The following ADGRG7 variants were observed in gnomAD, a reference collection of about 807,000 sequenced individuals.
The protein encoded by ADGRG7 is G-protein coupled receptor 128.
A neutral mutation model predicts 88.6 loss-of-function variants in ADGRG7; 82 were observed. The observed-to-expected ratio is 0.93, with a 90% confidence interval of 0.77 to 1.11. ADGRG7 has a LOEUF of 1.11. Ranked by LOEUF, ADGRG7 falls within the 50% of genes most tolerant of loss-of-function variation. The pLI is 0.00. For missense variants in ADGRG7, 945 were observed against 953.4 expected (o/e 0.99, Z 0.12); for synonymous variants, 381 against 345.2 (o/e 1.10, Z -1.15).
intron 10 of ADGRG7, among the ~76,000 whole-genome samples, chr3:100,648,740 T>C (rs2149027140): frequency 6.6e-6 from 1 of 152,310 alleles, no homozygotes; most frequent in Admixed American, 6.5e-5. Context: ...TATGCCTCTA[T>C]ATTCCTTTCA....
At chr3:100,686,588 A>G (rs1328102590) in intron 15 of ADGRG7, among the ~76,000 whole-genome samples, 2 of 152,194 alleles carry the variant, frequency 1.3e-5, no homozygotes, top group Non-Finnish European at 2.9e-5. Context: ...TCAGCTTTCT[A>G]CATATGGCTA....
In ADGRG7 at chr3:100,609,644, A is replaced by G; in HGVS notation, c.-213A>G. On this transcript the variant is annotated 5_prime_UTR_variant, in exon 1 of 16. Transcript: ENST00000273352. ...TTGAGTGAAGGATGAGGAAATTGAA[A>G]GCAGAGTATGCACCTTTTATTAGGA... 2.3e-6 allele frequency: 1 copy of G among 427,854 alleles called. No individual in the cohort carries two copies. Among genetic ancestry groups the G allele is most frequent in the South Asian group, 2.4e-5 (1 of 41,012 alleles). The allele number at this position is 427,854 out of a possible 1,614,324, so 26.5% of individuals were successfully genotyped here.
At chr3:100,610,078 A>C in intron 1 of ADGRG7, 107 bp downstream of exon 1, 1 of 841,562 alleles carries the variant, frequency 1.2e-6, no homozygotes, top group Non-Finnish European at 2.0e-6. Context: ...AGTCTGAGGC[A>C]TTCCACCAAG....
chr3:100,614,750 C>G (rs1033466700), intron 1 of ADGRG7, among the ~76,000 whole-genome samples: 1 of 152,068 alleles, frequency 6.6e-6, no homozygotes, highest in Admixed American at 6.5e-5. Flanking sequence ...AAAGCAGACT[C>G]TAATTTTGTC....
chr3:100,639,907 G>A (rs561096385), intron 6 of ADGRG7, among the ~76,000 whole-genome samples: 2 of 152,270 alleles, frequency 1.3e-5, no homozygotes, highest in African/African-American at 4.8e-5. Context: ...TAAGGTATAA[G>A]ATACAGTGAA....
In ADGRG7 at chr3:100,647,370, T is replaced by C. The variant is rs138996470; in HGVS notation, c.1266+646T>C. 3.5e-3 allele frequency among the ~76,000 whole-genome samples: 527 copies of C among 152,318 alleles called. 5 individuals carry two copies. The highest frequency in any genetic ancestry group is 5.1e-3 in the Non-Finnish European group (350 of 68,026). ...TGTTATAGCCAGAGGTAAAGCTGTA[T>C]AGCTGTGTGCCAGAGACAGGTTCAA... On this transcript the variant is annotated intron_variant, in intron 10 of 15. Coordinates refer to ENST00000273352, the MANE Select transcript of ADGRG7 (RefSeq NM_032787.3).
intron 1 of ADGRG7, among the ~76,000 whole-genome samples, chr3:100,622,960 G>A (rs115100376): frequency 0.015 from 2,254 of 150,690 alleles, 49 homozygotes; most frequent in African/African-American, 0.051. Flanking sequence ...AGGGTTTTGA[G>A]ACCAGGTTGG....
At chr3:100,690,440 C>T (rs192369805) in intron 15 of ADGRG7, among the ~76,000 whole-genome samples, 25 of 152,280 alleles carry the variant, frequency 1.6e-4, no homozygotes, top group East Asian at 5.8e-4. Flanking sequence ...GGAGGAGAGG[C>T]GCTCTGATCT....
At chr3:100,666,605 G>T (rs1175741516) in intron 14 of ADGRG7, among the ~76,000 whole-genome samples, 1 of 151,846 alleles carries the variant, frequency 6.6e-6, no homozygotes, top group Non-Finnish European at 1.5e-5. Context: ...CCAGGGACGG[G>T]CAGGAGACAG....
At chr3:100,673,502 T>C (rs1165346) in intron 15 of ADGRG7, among the ~76,000 whole-genome samples, 129,861 of 149,044 alleles carry the variant, frequency 0.87, 58,781 homozygotes, top group Non-Finnish European at 1. Flanking sequence ...CGGTCTGTCA[T>C]GCAGGCTGGA....
At chr3:100,638,290 G>T (rs1325543135) in intron 6 of ADGRG7, among the ~76,000 whole-genome samples, 1 of 152,170 alleles carries the variant, frequency 6.6e-6, no homozygotes, top group Non-Finnish European at 1.5e-5. Flanking sequence ...TTTATTAAGT[G>T]ATGAGGGAAG....
rs572007489 is a variant in ADGRG7, at chr3:100,653,481, A to G, written c.1380-1354A>G. Among the ~76,000 whole-genome samples the G allele has an allele frequency of 6.6e-5, 10 of 152,346 alleles. No homozygotes were observed. The South Asian group carries it at 1.4e-3, about 22-fold the overall frequency. On this transcript the variant is annotated intron_variant, in intron 11 of 15. Transcript: ENST00000273352. The stretch of plus-strand genomic sequence containing the variant: ...CTACTAATGTGCAGAGTTTTCTATT[A>G]TAAAAATTTTAAAACTCCATATAGG...
At chr3:100,646,876 A>C in intron 10 of ADGRG7, 152 bp downstream of exon 10, 1 of 760,296 alleles carries the variant, frequency 1.3e-6, no homozygotes, top group Non-Finnish European at 2.0e-6. Flanking sequence ...AATGGGACTT[A>C]AGGCCGGGCG....
Position 100,646,722 on chromosome 3 carries a change from A to T in ADGRG7, c.1264A>T (p.Met422Leu), listed in dbSNP as rs1251565914. The T allele has an allele frequency of 6.2e-7, 1 of 1,613,836 alleles. No individual in the cohort carries two copies. Among genetic ancestry groups the T allele is most frequent in the East Asian group, 2.2e-5 (1 of 44,876 alleles). ...CNHTTNFAVLMTFKKDYQYPK... is the reference protein window; with the variant it reads ...CNHTTNFAVLLTFKKDYQYPK... ...CCATACTACTAATTTTGCTGTATTA[A>T]TGGTAAGGATATACATAGCAATCTC... Residue 422 changes from methionine (M) to leucine (L), a missense_variant and splice_region_variant, in exon 10 of 16, where the codon ATG (methionine) becomes TTG (leucine). Coordinates refer to ENST00000273352, the MANE Select transcript of ADGRG7 (RefSeq NM_032787.3).
intron 15 of ADGRG7, among the ~76,000 whole-genome samples, chr3:100,680,018 G>A (rs1413903557): frequency 6.6e-6 from 1 of 152,118 alleles, no homozygotes; most frequent in Non-Finnish European, 1.5e-5. Context: ...ATTGTTAAAG[G>A]TACACCTATC....
At chr3:100,611,303 T>TTTCTTCCTTCCTTCCTTC (rs1559666905) in intron 1 of ADGRG7, among the ~76,000 whole-genome samples, 1 of 124,354 alleles carries the variant, frequency 8.0e-6, no homozygotes, top group African/African-American at 3.6e-5. Flanking sequence ...TTCCTTCCTT[T>TTTCTTCCTTCCTTCCTTC]CTTCTTTCCT....
intron 9 of ADGRG7, 167 bp downstream of exon 9, chr3:100,646,275 CA>C (rs894411485): frequency 6.6e-5 from 43 of 650,780 alleles, no homozygotes; most frequent in Non-Finnish European, 1.0e-4. Flanking sequence ...TCTTGAATAG[CA>C]AAAGCAGGGA....
At chr3:100,633,988 C>G (rs1182944694) in intron 4 of ADGRG7, among the ~76,000 whole-genome samples, 1 of 152,088 alleles carries the variant, frequency 6.6e-6, no homozygotes, top group Non-Finnish European at 1.5e-5. Flanking sequence ...AAAGGAAAGC[C>G]TCTTGATGGT....
intron 8 of ADGRG7, among the ~76,000 whole-genome samples, chr3:100,644,980 G>A (rs1707716692): frequency 6.6e-6 from 1 of 152,232 alleles, no homozygotes; most frequent in African/African-American, 2.4e-5. Context: ...TCCAGGTAGA[G>A]GCTCCAACAA....
Sources: gnomAD v4.1 joint callset for allele counts (sites outside exome capture counted in the v4.1 genomes callset) on GRCh38, gnomAD v4.1.1 for gene constraint, MANE v1.5 for transcripts, NCBI Gene and HGNC (gene_info 2026-07-23, HGNC 2026-07-21) for gene names.